Variants in RNGTT observed in about 807,000 individuals in gnomAD.
The protein encoded by RNGTT is RNA guanylyltransferase and 5'-phosphatase.
RNGTT carries 33 observed loss-of-function variants against 79.3 expected under a neutral mutation model. The ratio of observed to expected loss-of-function variants is 0.42; its 90% CI spans 0.32 to 0.56. The LOEUF is 0.56. Ranked by LOEUF, RNGTT falls within the 20% of genes least tolerant of loss-of-function variation. RNGTT has a pLI of 0.17. For missense variants in RNGTT, 497 were observed against 739.1 expected (o/e 0.67, Z 3.80); for synonymous variants, 222 against 235.9 (o/e 0.94, Z 0.54).
intron 1 of RNGTT, among the ~76,000 whole-genome samples, chr6:88,949,671 G>A (rs987737000): frequency 2.0e-5 from 3 of 152,150 alleles, no homozygotes; most frequent in African/African-American, 4.8e-5. Flanking sequence ...GACCAAGGCA[G>A]CAACTCCCTT....
At chr6:88,924,722 C>G (rs1396495787) in intron 4 of RNGTT, among the ~76,000 whole-genome samples, 4 of 148,926 alleles carry the variant, frequency 2.7e-5, no homozygotes, top group Non-Finnish European at 6.0e-5. Context: ...ACATTCTCCT[C>G]TCCAATTTTT....
chr6:88,826,830 A>G (rs1259817877), intron 11 of RNGTT, among the ~76,000 whole-genome samples: 4 of 142,866 alleles, frequency 2.8e-5, no homozygotes, highest in African/African-American at 1.1e-4. Flanking sequence ...GTGTGTATAT[A>G]TATATATATA....
At chr6:88,716,372 C>A (rs1219469480) in intron 13 of RNGTT, among the ~76,000 whole-genome samples, 1 of 152,108 alleles carries the variant, frequency 6.6e-6, no homozygotes, top group Non-Finnish European at 1.5e-5. Flanking sequence ...GTTGGTGGGA[C>A]TGTAAACTCG....
At chr6:88,819,818 T>C (rs1454154034) in intron 11 of RNGTT, among the ~76,000 whole-genome samples, 3 of 152,120 alleles carry the variant, frequency 2.0e-5, no homozygotes, top group Admixed American at 2.0e-4. Context: ...GATCACTCTC[T>C]TACAATATAT....
At chr6:88,771,344 T>TATATAC (rs1778671146) in intron 12 of RNGTT, among the ~76,000 whole-genome samples, 1 of 131,254 alleles carries the variant, frequency 7.6e-6, no homozygotes, top group Non-Finnish European at 1.6e-5. Context: ...TATATATATA[T>TATATAC]ATATATACAC....
intron 12 of RNGTT, among the ~76,000 whole-genome samples, chr6:88,774,311 A>G (rs1261724964): frequency 6.6e-6 from 1 of 152,110 alleles, no homozygotes; most frequent in Non-Finnish European, 1.5e-5. Context: ...AGAAAAAAAA[A>G]CACAGAAACT....
chr6:88,726,976 T>C (rs1776929939), intron 13 of RNGTT, among the ~76,000 whole-genome samples: 1 of 150,210 alleles, frequency 6.7e-6, no homozygotes, highest in African/African-American at 2.5e-5. Flanking sequence ...AAAAGAATGA[T>C]TATCATCTCT....
At position 88,957,695 on chromosome 6, in the gene RNGTT, G is replaced by A. The variant is rs186057482; in HGVS notation, c.64+5651C>T. ...CCAAGGAGGTGAAAGATCTCTAAAA[G>A]GAAAACTACAAAACACTACTGAAAT... On this transcript the variant is annotated intron_variant, in intron 1 of 15. Transcript: ENST00000369485. Among the ~76,000 whole-genome samples the A allele has an allele frequency of 7.7e-3, 1,177 of 152,166 alleles. 5 individuals carry two copies. The highest frequency in any genetic ancestry group is 0.013 in the Non-Finnish European group (869 of 67,974).
chr6:88,617,767 G>A (rs1238144925), intron 14 of RNGTT, among the ~76,000 whole-genome samples: 3 of 151,880 alleles, frequency 2.0e-5, no homozygotes, highest in Non-Finnish European at 4.4e-5. Flanking sequence ...TAGTAGTATA[G>A]ATGTTTTAAC....
chr6:88,859,801 G>A (rs1312879346), intron 8 of RNGTT, among the ~76,000 whole-genome samples: 1 of 152,196 alleles, frequency 6.6e-6, no homozygotes, highest in Non-Finnish European at 1.5e-5. Context: ...AATAAGAGTA[G>A]TCCCTTCTCT....
Position 88,803,588 on chromosome 6 carries a change from A to T in RNGTT, c.1270-1956T>A, listed in dbSNP as rs1193812436. 1.1e-4 allele frequency among the ~76,000 whole-genome samples: 16 copies of T among 150,974 alleles called. 1 individual carries two copies. Among genetic ancestry groups the T allele is most frequent in the African/African-American group, 3.9e-4 (16 of 40,724 alleles). On this transcript the variant is annotated intron_variant, in intron 11 of 15. Coordinates refer to ENST00000369485, the MANE Select transcript of RNGTT (RefSeq NM_003800.5). Reference sequence around the variant, plus strand: ...TGAGACTCCATCTCAAAAAAAAAAAAAAAAAAAAACTAAATTCATAGCATT... The same window carrying T: ...TGAGACTCCATCTCAAAAAAAAAAATAAAAAAAAACTAAATTCATAGCATT...
chr6:88,821,104 G>A (rs573073386), intron 11 of RNGTT, among the ~76,000 whole-genome samples: 11 of 152,200 alleles, frequency 7.2e-5, no homozygotes, highest in Admixed American at 6.5e-4. Context: ...CAAAAGAACA[G>A]ACAAATGGAT....
intron 13 of RNGTT, among the ~76,000 whole-genome samples, chr6:88,708,050 C>T (rs139549972): frequency 6.6e-6 from 1 of 152,044 alleles, no homozygotes; most frequent in African/African-American, 2.4e-5. Flanking sequence ...ATGCTTCTTT[C>T]TCATGTGTTT....
rs917250239 is a variant in RNGTT, at chr6:88,640,023, G to A, written c.1507-25628C>T. ...TAGCTACCCTTGCTCTCCATCTGAA[G>A]AGTCCCCTTATTTTCCTTATCATTG... On this transcript the variant is annotated intron_variant, in intron 14 of 15. Transcript: ENST00000369485. Among the ~76,000 whole-genome samples, 9 of 152,234 alleles carry A rather than the reference G, an allele frequency of 5.9e-5. 3 individuals are homozygous for A. The South Asian group carries it at 1.9e-3, about 32-fold the overall frequency.
chr6:88,773,499 A>T (rs1182872708), intron 12 of RNGTT, among the ~76,000 whole-genome samples: 2 of 121,964 alleles, frequency 1.6e-5, no homozygotes, highest in Non-Finnish European at 3.7e-5. Flanking sequence ...AATTATTGGT[A>T]AAAAAAAAAA....
intron 5 of RNGTT, 51 bp downstream of exon 5, chr6:88,906,314 T>C: frequency 8.1e-7 from 1 of 1,236,154 alleles, no homozygotes; most frequent in African/African-American, 1.5e-5. Context: ...AAAATATCAA[T>C]AAAATTTTTT....
At chr6:88,877,099 T>G (rs1782542838) in intron 8 of RNGTT, among the ~76,000 whole-genome samples, 1 of 152,236 alleles carries the variant, frequency 6.6e-6, no homozygotes, top group South Asian at 2.1e-4. Flanking sequence ...AATGTTAGAT[T>G]GTTTTGCCTT....
At chr6:88,671,193 A>G (rs1774626376) in intron 14 of RNGTT, among the ~76,000 whole-genome samples, 1 of 152,220 alleles carries the variant, frequency 6.6e-6, no homozygotes, top group Admixed American at 6.5e-5. Context: ...ATGATTGTAT[A>G]CCTAGAAAAC....
At chr6:88,861,708 T>A (rs138513844) in intron 8 of RNGTT, among the ~76,000 whole-genome samples, 2 of 152,298 alleles carry the variant, frequency 1.3e-5, no homozygotes, top group African/African-American at 4.8e-5. Context: ...AGTTGTTTAA[T>A]CCATCTAGAC....
Sources: allele counts gnomAD v4.1 joint callset (sites outside exome capture counted in the v4.1 genomes callset), GRCh38; gene constraint gnomAD v4.1.1; transcripts MANE v1.5; gene names NCBI Gene and HGNC (gene_info 2026-07-23, HGNC 2026-07-21).